The following PCDH9 variants were observed in gnomAD, a reference collection of about 807,000 sequenced individuals.
PCDH9 encodes the protein protocadherin-9.
PCDH9 carries 24 observed loss-of-function variants against 70.6 expected under a neutral mutation model. The observed-to-expected ratio is 0.34, with a 90% CI of 0.25 to 0.48. The LOEUF (loss-of-function observed/expected upper bound fraction) is 0.48, where lower values mean the gene tolerates loss of function less well. Among genes scored for constraint, PCDH9 ranks in the 20% least tolerant of loss-of-function variants. PCDH9 has a pLI of 0.99. For missense variants in PCDH9, 1,281 were observed against 1,503.6 expected, an observed-to-expected ratio of 0.85 and a Z score of 2.45; for synonymous variants, 562 against 558.5, an observed-to-expected ratio of 1.01 and a Z score of -0.09.
At chr13:66,862,217 G>T (rs537813604) in intron 3 of PCDH9, among the ~76,000 whole-genome samples, 3 of 152,276 alleles carry the variant, frequency 2.0e-5, no homozygotes, top group Admixed American at 1.3e-4. Context: ...AAGGGATGGT[G>T]CATGTCCAAG....
At chr13:66,782,163 G>T (rs1189278777) in intron 3 of PCDH9, among the ~76,000 whole-genome samples, 1 of 152,048 alleles carries the variant, frequency 6.6e-6, no homozygotes, top group African/African-American at 2.4e-5. Context: ...AACTGCAGAT[G>T]TTGTTAAGAA....
chr13:66,398,220 T>C (rs1035198852), intron 4 of PCDH9, among the ~76,000 whole-genome samples: 1 of 152,110 alleles, frequency 6.6e-6, no homozygotes, highest in Non-Finnish European at 1.5e-5. Context: ...CTTTATAAAA[T>C]GAGACTCTGT....
At position 66,466,849 on chromosome 13, in the gene PCDH9, G is replaced by GA. The variant is rs1278241528; in HGVS notation, c.3341-161822dup. Among the ~76,000 whole-genome samples the GA allele has an allele frequency of 3.9e-5, 6 of 151,996 alleles. No homozygotes were observed. The East Asian group carries it at 1.2e-3, about 29-fold the overall frequency. On this transcript the variant is annotated intron_variant, in intron 4 of 4. Coordinates refer to ENST00000377865, the MANE Select transcript of PCDH9 (RefSeq NM_203487.3). The stretch of plus-strand genomic sequence containing the variant: ...ATAAGTGATTGGGAAACACACATTA[G>GA]AAAAAATGTTATGAACTAAGAAGTA...
intron 2 of PCDH9, among the ~76,000 whole-genome samples, chr13:67,009,759 T>C (rs2084418884): frequency 6.6e-6 from 1 of 152,094 alleles, no homozygotes; most frequent in Non-Finnish European, 1.5e-5. Flanking sequence ...CTACTAGTTC[T>C]CTTTTTAAAA....
chr13:66,348,748 G>T (rs1956250376), intron 4 of PCDH9, among the ~76,000 whole-genome samples: 1 of 135,102 alleles, frequency 7.4e-6, no homozygotes, highest in Admixed American at 7.8e-5. Context: ...GATTCTACTT[G>T]CTCATCACCC....
chr13:67,195,694 G>T (rs952707449), intron 2 of PCDH9, among the ~76,000 whole-genome samples: 3 of 151,838 alleles, frequency 2.0e-5, no homozygotes, highest in African/African-American at 7.3e-5. Flanking sequence ...ATATTTAAAG[G>T]TATATTTCCT....
intron 3 of PCDH9, among the ~76,000 whole-genome samples, chr13:66,720,960 C>T (rs907023400): frequency 2.0e-5 from 3 of 152,154 alleles, no homozygotes; most frequent in South Asian, 2.1e-4. Flanking sequence ...TAGTCCATTA[C>T]GTCTGTGCAC....
chr13:66,990,393 C>G (rs1194390273), intron 2 of PCDH9, among the ~76,000 whole-genome samples: 1 of 151,486 alleles, frequency 6.6e-6, no homozygotes, highest in Non-Finnish European at 1.5e-5. Flanking sequence ...ATTTTTCATA[C>G]TCTAAAAGAA....
chr13:67,221,362 A>G (rs1169592762), intron 2 of PCDH9: 3 of 152,120 alleles, frequency 2.0e-5, no homozygotes, highest in African/African-American at 7.2e-5. Context: ...TCATAAATGT[A>G]ATATAGTATC....
chr13:66,488,937 G>A (rs187141080), intron 4 of PCDH9, among the ~76,000 whole-genome samples: 1 of 152,102 alleles, frequency 6.6e-6, no homozygotes, highest in Non-Finnish European at 1.5e-5. Flanking sequence ...GTTCCCACAG[G>A]CGAGTACACC....
intron 3 of PCDH9, among the ~76,000 whole-genome samples, chr13:66,688,818 G>A (rs1306516707): frequency 1.3e-5 from 2 of 151,884 alleles, no homozygotes; most frequent in Non-Finnish European, 2.9e-5. Flanking sequence ...TTTCCCTTCC[G>A]AACACCCCTG....
intron 2 of PCDH9, among the ~76,000 whole-genome samples, chr13:67,164,537 G>A (rs2088053730): frequency 6.8e-6 from 1 of 147,246 alleles, no homozygotes; most frequent in Non-Finnish European, 1.5e-5. Context: ...GCATGCCACT[G>A]CACTCCAGCT....
chr13:66,855,663 T>C (rs1173266515), intron 3 of PCDH9, among the ~76,000 whole-genome samples: 2 of 152,032 alleles, frequency 1.3e-5, no homozygotes, highest in Admixed American at 1.3e-4. Flanking sequence ...GTCCTTATTA[T>C]CCCAACTTAC....
At chr13:66,857,149 C>T (rs1028925567) in intron 3 of PCDH9, among the ~76,000 whole-genome samples, 4 of 152,046 alleles carry the variant, frequency 2.6e-5, no homozygotes, top group Admixed American at 2.6e-4. Flanking sequence ...AGCCATGATG[C>T]TAAATTCTCT....
rs187211211 is a variant in PCDH9, at chr13:66,883,264, A to T, written c.3138+20240T>A. Among the ~76,000 whole-genome samples, 398 of 152,220 alleles carry T rather than the reference A, an allele frequency of 2.6e-3. 1 individual carries two copies. The highest frequency in any genetic ancestry group is 3.8e-3 in the Non-Finnish European group (257 of 68,004). On this transcript the variant is annotated intron_variant, in intron 3 of 4. Transcript: ENST00000377865. ...AATTTAACTCCTTTTTAAACCTTGAACACAGCTGTGAGTTACATAGAGACT... is the reference window on the plus strand; with the variant it reads ...AATTTAACTCCTTTTTAAACCTTGATCACAGCTGTGAGTTACATAGAGACT...
At position 66,607,892 on chromosome 13, in the gene PCDH9, T is replaced by C. The variant is rs9529102; in HGVS notation, c.3340+23318A>G. ...TACACATTTTATATATAATCATCTC[T>C]TCCATAGAAAGAAAAAAAGTGAAGA... On this transcript the variant is annotated intron_variant, in intron 4 of 4. Transcript: ENST00000377865. Among the ~76,000 whole-genome samples, 513 of 152,132 alleles carry C rather than the reference T, an allele frequency of 3.4e-3. 1 individual carries two copies. The highest frequency in any genetic ancestry group is 6.1e-3 in the Non-Finnish European group (415 of 67,916).
intron 3 of PCDH9, among the ~76,000 whole-genome samples, chr13:66,638,572 AT>A (rs926398800): frequency 1.6e-4 from 24 of 152,154 alleles, no homozygotes; most frequent in Non-Finnish European, 2.1e-4. Flanking sequence ...TTAATGAGCA[AT>A]TTTTTTTCAT....
At chr13:66,355,338 A>T (rs1348786696) in intron 4 of PCDH9, among the ~76,000 whole-genome samples, 1 of 152,112 alleles carries the variant, frequency 6.6e-6, no homozygotes, top group Admixed American at 6.6e-5. Flanking sequence ...TGAGTAACCT[A>T]ATATCCATGT....
At chr13:66,924,617 C>A (rs1338947169) in intron 2 of PCDH9, among the ~76,000 whole-genome samples, 3 of 149,126 alleles carry the variant, frequency 2.0e-5, no homozygotes, top group African/African-American at 7.3e-5. Flanking sequence ...ATATAATCTG[C>A]AAATGTATAT....
Sources: allele counts gnomAD v4.1 joint callset (sites outside exome capture counted in the v4.1 genomes callset), GRCh38; gene constraint gnomAD v4.1.1; transcripts MANE v1.5; gene names NCBI Gene and HGNC (gene_info 2026-07-23, HGNC 2026-07-21).